PDHX: variants seen among roughly 807,000 people sequenced by gnomAD.
The protein encoded by PDHX is pyruvate dehydrogenase complex component X.
Under a neutral mutation model 55.3 loss-of-function variants are expected in PDHX, and 33 were observed. That is an observed-to-expected ratio of 0.60 (90% CI 0.45 to 0.80). The LOEUF is 0.80. Ranked by LOEUF, PDHX falls within the 30% of genes least tolerant of loss-of-function variation. The probability of loss-of-function intolerance (pLI) is 0.00; values close to 1 mark genes in which losing one functional copy is unlikely to be tolerated. For missense variants in PDHX, 622 were observed against 619.9 expected, an observed-to-expected ratio of 1.00 and a Z score of -0.04; for synonymous variants, 226 against 219.4, an observed-to-expected ratio of 1.03 and a Z score of -0.27.
chr11:34,969,953 C>T (rs556868506), intron 6 of PDHX, among the ~76,000 whole-genome samples, 186 bp from the exon 7 acceptor site: 67 of 152,194 alleles, frequency 4.4e-4, no homozygotes, highest in Admixed American at 3.7e-3. Context: ...AAAACCAAAG[C>T]GTCTCAGATT....
chr11:34,994,557 T>C (rs1052418130), intron 10 of PDHX, among the ~76,000 whole-genome samples: 4 of 152,226 alleles, frequency 2.6e-5, no homozygotes, highest in African/African-American at 7.2e-5. Flanking sequence ...ACAGCTATGA[T>C]GCCACTAGGC....
At chr11:34,926,518 A>G (rs1274537934) in intron 1 of PDHX, among the ~76,000 whole-genome samples, 1 of 152,196 alleles carries the variant, frequency 6.6e-6, no homozygotes, top group African/African-American at 2.4e-5. Context: ...GAGCCTATAA[A>G]TGAACTAGAG....
intron 5 of PDHX, among the ~76,000 whole-genome samples, chr11:34,964,624 C>T (rs1454358994): frequency 6.6e-6 from 1 of 151,698 alleles, no homozygotes; most frequent in Non-Finnish European, 1.5e-5. Flanking sequence ...AAAATAAAAT[C>T]AGCAATACAA....
chr11:34,987,746 G>GTGTGTGTA (rs1372520926), intron 9 of PDHX, among the ~76,000 whole-genome samples: 6 of 151,512 alleles, frequency 4.0e-5, no homozygotes, highest in Non-Finnish European at 8.8e-5. Context: ...GTGTGTGTGT[G>GTGTGTGTA]TGTATGTGTG....
At chr11:34,922,500 A>G (rs1853908177) in intron 1 of PDHX, among the ~76,000 whole-genome samples, 1 of 152,198 alleles carries the variant, frequency 6.6e-6, no homozygotes, top group Non-Finnish European at 1.5e-5. Context: ...CTACCTCAGT[A>G]TCAAGTGATA....
chr11:34,966,144 T>A (rs1849130090), intron 5 of PDHX, among the ~76,000 whole-genome samples: 1 of 152,192 alleles, frequency 6.6e-6, no homozygotes, highest in Non-Finnish European at 1.5e-5. Context: ...AATGGTTTGA[T>A]TTCCTGGTCA....
At position 34,957,394 on chromosome 11, in the gene PDHX, G is replaced by A. The variant is rs1391696428; in HGVS notation, c.353G>A (p.Gly118Glu). The change falls in exon 4 of 11, where the codon GGA becomes GAA. Residue 118 changes from glycine to glutamate, a missense_variant. Transcript: ENST00000227868. ...CTTTTTTAAATATAGGTTGAAGAAGGAAGTAAAAATATACGGCTAGGTTCA... is the reference window on the plus strand; with the variant it reads ...CTTTTTTAAATATAGGTTGAAGAAGAAAGTAAAAATATACGGCTAGGTTCA... ...GILAKIVVEEGSKNIRLGSLI... is the reference protein window; with the variant it reads ...GILAKIVVEEESKNIRLGSLI... 1 of 1,599,394 alleles carries A rather than the reference G, an allele frequency of 6.3e-7. No individual in the cohort carries two copies. Among genetic ancestry groups the A allele is most frequent in the South Asian group, 1.1e-5 (1 of 90,804 alleles).
chr11:34,969,434 C>A (rs776069806), intron 6 of PDHX, among the ~76,000 whole-genome samples: 3 of 151,312 alleles, frequency 2.0e-5, no homozygotes, highest in Admixed American at 6.6e-5. Context: ...ACCTCTGTCT[C>A]CCCGGTTCAA....
chr11:34,916,893 C>A, intron 1 of PDHX, 78 bp downstream of exon 1: 1 of 1,376,928 alleles, frequency 7.3e-7, no homozygotes, highest in Non-Finnish European at 1.0e-6. Context: ...TGATTGAGGG[C>A]CTGCTTTTGG....
upstream of PDHX, chr11:34,916,076 G>T: frequency 9.7e-7 from 1 of 1,026,752 alleles, no homozygotes; most frequent in Non-Finnish European, 1.4e-6. Context: ...GAACGCCAAG[G>T]TCGCGGTGCG....
At chr11:34,974,062 C>T (rs748651251) in intron 7 of PDHX, among the ~76,000 whole-genome samples, 4 of 152,134 alleles carry the variant, frequency 2.6e-5, no homozygotes, top group Admixed American at 6.5e-5. Flanking sequence ...TTTCCGTGTA[C>T]AGTTAGTTCG....
intron 1 of PDHX, among the ~76,000 whole-genome samples, chr11:34,921,984 C>G (rs931900576): frequency 3.3e-5 from 5 of 152,164 alleles, no homozygotes; most frequent in Non-Finnish European, 5.9e-5. Context: ...GCATTTTACC[C>G]AAGGTTAGTG....
intron 10 of PDHX, 148 bp from the exon 11 acceptor site, chr11:34,994,766 A>G: frequency 1.3e-6 from 1 of 766,232 alleles, no homozygotes. Flanking sequence ...TTTATTTGTA[A>G]ATACTAAATG....
chr11:34,917,548 C>T (rs1350955786), intron 1 of PDHX, among the ~76,000 whole-genome samples: 2 of 151,962 alleles, frequency 1.3e-5, no homozygotes, highest in South Asian at 2.1e-4. Flanking sequence ...TGGAGGGAGG[C>T]GGGGATGGAG....
intron 2 of PDHX, among the ~76,000 whole-genome samples, chr11:34,934,571 A>ATT (rs35227178): frequency 0.048 from 4,392 of 92,394 alleles, 460 homozygotes; most frequent in African/African-American, 0.16. Context: ...GATATTATGG[A>ATT]TTTTTTTTTT....
rs896703971 is a variant in PDHX, at chr11:34,922,625, G to C, written c.160+5810G>C. 2.6e-5 allele frequency among the ~76,000 whole-genome samples: 4 copies of C among 152,084 alleles called. No individual in the cohort carries two copies. In the South Asian group the frequency reaches 6.2e-4, roughly 24 times the overall value. ...TTTTAAAAAAATGAAATCAGACATA[G>C]TAATAACCGCATTGTAGACTAGCAT... On this transcript the variant is annotated intron_variant, in intron 1 of 10. Transcript: ENST00000227868.
intron 1 of PDHX, among the ~76,000 whole-genome samples, chr11:34,929,803 T>G (rs1325943245): frequency 6.6e-6 from 1 of 152,200 alleles, no homozygotes; most frequent in Admixed American, 6.5e-5. Flanking sequence ...CTGTGTCATT[T>G]TTGGGGCATT....
chr11:34,989,195 A>AT (rs1037133267), intron 9 of PDHX, among the ~76,000 whole-genome samples: 7 of 152,232 alleles, frequency 4.6e-5, no homozygotes, highest in African/African-American at 1.4e-4. Flanking sequence ...TGTGATAGGA[A>AT]TTTTTCAGCT....
At chr11:34,954,818 C>A (rs960888043) in intron 3 of PDHX, among the ~76,000 whole-genome samples, 1 of 152,156 alleles carries the variant, frequency 6.6e-6, no homozygotes, top group Non-Finnish European at 1.5e-5. Context: ...TTCCTCATAA[C>A]AACAATGTGA....
Sources: gnomAD v4.1 joint callset for allele counts (sites outside exome capture counted in the v4.1 genomes callset) on GRCh38, gnomAD v4.1.1 for gene constraint, MANE v1.5 for transcripts, NCBI Gene and HGNC (gene_info 2026-07-23, HGNC 2026-07-21) for gene names.